The following PMS1 variants were observed in gnomAD, a reference collection of about 807,000 sequenced individuals.
The protein encoded by PMS1 is PMS1 homolog 1, mismatch repair system component.
PMS1 carries 79 observed loss-of-function variants against 93.1 expected under a neutral mutation model. That is an observed-to-expected ratio of 0.85 (90% CI 0.71 to 1.02). The LOEUF (loss-of-function observed/expected upper bound fraction) is 1.02, where lower values mean the gene tolerates loss of function less well. Among genes scored for constraint, PMS1 ranks in the 50% least tolerant of loss-of-function variants. The probability of loss-of-function intolerance (pLI) is 0.00; values close to 1 mark genes in which losing one functional copy is unlikely to be tolerated. For synonymous variants in PMS1, 335 were observed against 363.4 expected (o/e 0.92, Z 0.89); for missense variants, 1,064 against 1,085.3 (o/e 0.98, Z 0.28).
At chr2:189,857,461 T>TAGAC in intron 9 of PMS1, 1 of 469,410 alleles carries the variant, frequency 2.1e-6, no homozygotes, top group South Asian at 1.6e-5. Flanking sequence ...TTTCTCTTCC[T>TAGAC]GTCTTTATCT....
intron 3 of PMS1, among the ~76,000 whole-genome samples, chr2:189,804,388 A>G (rs549516529): frequency 3.2e-4 from 49 of 152,272 alleles, no homozygotes; most frequent in African/African-American, 1.1e-3. Context: ...CATGGAATGT[A>G]TTTTGGAAGA....
chr2:189,842,098 C>T (rs2053864089), intron 5 of PMS1, among the ~76,000 whole-genome samples: 1 of 151,594 alleles, frequency 6.6e-6, no homozygotes, highest in Admixed American at 6.6e-5. Flanking sequence ...TTATATCCTC[C>T]CCATAGTCAC....
chr2:189,852,917 CAT>C (rs1676681163), intron 7 of PMS1, 140 bp downstream of exon 7: 1 of 651,446 alleles, frequency 1.5e-6, no homozygotes, highest in Admixed American at 2.6e-5. Flanking sequence ...GATAGAAAGA[CAT>C]ATGATGTCTC....
At chr2:189,799,164 A>G (rs2049646580) in intron 3 of PMS1, among the ~76,000 whole-genome samples, 1 of 152,238 alleles carries the variant, frequency 6.6e-6, no homozygotes, top group African/African-American at 2.4e-5. Flanking sequence ...AATTTTGCTC[A>G]TCAGAATTAC....
chr2:189,818,661 TAA>T (rs1485741851), intron 5 of PMS1, among the ~76,000 whole-genome samples: 4 of 151,930 alleles, frequency 2.6e-5, no homozygotes, highest in Non-Finnish European at 4.4e-5. Context: ...CTTTATTACA[TAA>T]AGAGTGTCTT....
In PMS1 at chr2:189,807,093, C is replaced by A. The variant is rs1015279844; in HGVS notation, c.418+1339C>A. The A allele has an allele frequency of 3.6e-4, 63 of 174,508 alleles. No individual in the cohort carries two copies. The East Asian group carries it at 5.8e-3, about 16-fold the overall frequency. The allele number at this position is 174,508 out of a possible 1,614,324, so 10.8% of individuals were successfully genotyped here. ...CATTTCATGTATAAAATATAAATTT[C>A]TTATATTTTAATACTGGTACCAAAT... is the stretch of plus-strand genomic sequence containing the variant. On this transcript the variant is annotated intron_variant, in intron 4 of 12. Transcript: ENST00000441310.
At chr2:189,809,271 G>A (rs998013228) in intron 4 of PMS1, among the ~76,000 whole-genome samples, 5 of 152,066 alleles carry the variant, frequency 3.3e-5, no homozygotes, top group African/African-American at 1.2e-4. Flanking sequence ...GCATACCATA[G>A]GGTCATGTAA....
intron 5 of PMS1, among the ~76,000 whole-genome samples, chr2:189,826,945 A>T (rs964983485): frequency 6.6e-6 from 1 of 152,158 alleles, no homozygotes; most frequent in Non-Finnish European, 1.5e-5. Context: ...AATAAAATTC[A>T]TTCTTTTGAA....
intron 9 of PMS1, among the ~76,000 whole-genome samples, chr2:189,859,907 G>A (rs2055766201): frequency 6.6e-6 from 1 of 152,080 alleles, no homozygotes. Flanking sequence ...GTTACCAAAT[G>A]AAGTATTATA....
chr2:189,831,972 C>T (rs189384856), intron 5 of PMS1, among the ~76,000 whole-genome samples: 11 of 152,162 alleles, frequency 7.2e-5, no homozygotes, highest in Admixed American at 7.2e-4. Flanking sequence ...CGCAAATGAT[C>T]CTCCCGCCTC....
chr2:189,801,805 T>C (rs935410398), intron 3 of PMS1, among the ~76,000 whole-genome samples: 1 of 152,230 alleles, frequency 6.6e-6, no homozygotes, highest in Non-Finnish European at 1.5e-5. Context: ...TTGAATATTG[T>C]GTACATACAG....
intron 5 of PMS1, among the ~76,000 whole-genome samples, chr2:189,826,847 A>G (rs2052475437): frequency 1.3e-5 from 2 of 152,196 alleles, no homozygotes. Flanking sequence ...TAAATTAATT[A>G]GGTAGTGTTA....
intron 5 of PMS1, among the ~76,000 whole-genome samples, chr2:189,824,856 C>G (rs957953184): frequency 1.3e-5 from 2 of 151,862 alleles, no homozygotes; most frequent in African/African-American, 4.8e-5. Context: ...ATTGTTAAAC[C>G]TCCCAAAATA....
intron 5 of PMS1, among the ~76,000 whole-genome samples, chr2:189,839,526 ATAT>A (rs1304169106): frequency 2.0e-5 from 3 of 152,052 alleles, no homozygotes; most frequent in Non-Finnish European, 2.9e-5. Context: ...CATTCTCTCT[ATAT>A]GTTCATGATT....
At chr2:189,785,298 C>G (rs935065071) in intron 1 of PMS1, 1 of 152,132 alleles carries the variant, frequency 6.6e-6, no homozygotes, top group Non-Finnish European at 1.5e-5. Context: ...TCTTTGTGTT[C>G]TCTCTAATGG....
At position 189,864,150 on chromosome 2, in the gene PMS1, C is replaced by T. The variant is rs773542405; in HGVS notation, c.2264C>T (p.Ala755Val). The T allele has an allele frequency of 6.2e-7, 1 of 1,610,060 alleles. No homozygotes were observed. ...MLLNPYRVEE[A>V]LLFKRLLENH... ...TTAAATCCATATAGAGTAGAAGAAG[C>T]CCTGCTATTTAAAAGACTTCTTGAG... is the stretch of plus-strand genomic sequence containing the variant. Residue 755 changes from alanine to valine, a missense_variant, in exon 10 of 13, where the codon GCC becomes GTC. Physicochemically the swap from Ala to Val is moderately conservative, Grantham distance 64. Transcript: ENST00000441310.
chr2:189,848,322 C>G (rs904994366), intron 6 of PMS1, among the ~76,000 whole-genome samples: 1 of 152,154 alleles, frequency 6.6e-6, no homozygotes, highest in Non-Finnish European at 1.5e-5. Flanking sequence ...AATAAAGAAT[C>G]CTGGGCTTCA....
In PMS1 at chr2:189,854,729, G is replaced by C. The variant is rs1448031799; in HGVS notation, c.1457G>C (p.Gly486Ala). The change falls in exon 9 of 13, where the codon GGT (glycine) becomes GCT (alanine). Residue 486 changes from glycine (G) to alanine (A), a missense_variant. Physicochemically the swap from Gly to Ala is moderately conservative, Grantham distance 60. Transcript: ENST00000441310. Reference protein sequence around the residue: ...DESGENEEEAGLENSSEISAD... With the variant: ...DESGENEEEAALENSSEISAD... Reference sequence around the variant, plus strand: ...AGTGGGGAAAATGAGGAAGAAGCAGGTCTTGAAAACTCTTCGGAAATTTCT... The same window carrying C: ...AGTGGGGAAAATGAGGAAGAAGCAGCTCTTGAAAACTCTTCGGAAATTTCT... The C allele has an allele frequency of 6.2e-7, 1 of 1,613,928 alleles. No individual in the cohort carries two copies. Among genetic ancestry groups the C allele is most frequent in the Non-Finnish European group, 8.5e-7 (1 of 1,179,900 alleles).
At position 189,826,735 on chromosome 2, in the gene PMS1, C is replaced by T. The variant is rs567034637; in HGVS notation, c.582+8555C>T. Among the ~76,000 whole-genome samples, 59 of 152,218 alleles carry T rather than the reference C, an allele frequency of 3.9e-4. 1 individual carries two copies. The highest frequency in any genetic ancestry group is 1.2e-3 in the African/African-American group (50 of 41,548). ...ATTTTGCTTCAGTGGCAGTGATTTGCATTCTTTCTTTCCTATTTGACAGCC... is the reference window on the plus strand; with the variant it reads ...ATTTTGCTTCAGTGGCAGTGATTTGTATTCTTTCTTTCCTATTTGACAGCC... On this transcript the variant is annotated intron_variant, in intron 5 of 12. Coordinates refer to ENST00000441310, the MANE Select transcript of PMS1 (RefSeq NM_000534.5).
Sources: gnomAD v4.1 joint callset for allele counts (sites outside exome capture counted in the v4.1 genomes callset) on GRCh38, gnomAD v4.1.1 for gene constraint, MANE v1.5 for transcripts, NCBI Gene and HGNC (gene_info 2026-07-23, HGNC 2026-07-21) for gene names.